Variants in UBE2L3 observed in about 807,000 individuals in gnomAD.
UBE2L3 encodes the protein ubiquitin conjugating enzyme E2 L3, also known as ubiquitin-conjugating enzyme E2 L3.
Under a neutral mutation model 17.8 loss-of-function variants are expected in UBE2L3, and 1 was observed. That is an observed-to-expected ratio of 0.06 (90% confidence interval 0.02 to 0.27). UBE2L3 has a LOEUF of 0.27. Among genes scored for constraint, UBE2L3 ranks in the 10% least tolerant of loss-of-function variants. UBE2L3 has a pLI of 1.00. For missense variants in UBE2L3, 40 were observed against 192.6 expected (o/e 0.21, Z 4.69); for synonymous variants, 44 against 68.5 (o/e 0.64, Z 1.76).
At chr22:21,618,309 T>C (rs1269732219) in intron 3 of UBE2L3, among the ~76,000 whole-genome samples, 1 of 151,996 alleles carries the variant, frequency 6.6e-6, no homozygotes, top group African/African-American at 2.4e-5. Context: ...CTCACGCCTG[T>C]AATCCAGCAC....
chr22:21,585,763 G>T, intron 1 of UBE2L3, among the ~76,000 whole-genome samples: 1 of 152,118 alleles, frequency 6.6e-6, no homozygotes, highest in Admixed American at 6.6e-5. Context: ...ATAGAGGGGG[G>T]AAGTCACCAG....
intron 1 of UBE2L3, among the ~76,000 whole-genome samples, chr22:21,591,654 C>G (rs1009727890): frequency 6.6e-6 from 1 of 152,100 alleles, no homozygotes; most frequent in African/African-American, 2.4e-5. Context: ...GTATGAGGTG[C>G]AAGGATCTTT....
intron 1 of UBE2L3, among the ~76,000 whole-genome samples, chr22:21,577,551 CTG>C (rs1324075702): frequency 1.3e-5 from 2 of 152,212 alleles, no homozygotes; most frequent in Non-Finnish European, 2.9e-5. Flanking sequence ...CCAGTGGCCT[CTG>C]TTTACAGATG....
upstream of UBE2L3, among the ~76,000 whole-genome samples, chr22:21,565,327 C>T (rs908978683): frequency 4.0e-5 from 6 of 151,684 alleles, no homozygotes; most frequent in East Asian, 2.0e-4. Context: ...CTCCTGACCT[C>T]GTGATCCACC....
In UBE2L3 at chr22:21,620,081, C is replaced by T. The variant is rs529171259; in HGVS notation, c.311-1434C>T. Reference sequence around the variant, plus strand: ...GGATGAGGCGGTAGGATCACTCAAGCCCAGGAGTTTGAGACCAGCCTGGGC... The same window carrying T: ...GGATGAGGCGGTAGGATCACTCAAGTCCAGGAGTTTGAGACCAGCCTGGGC... On this transcript the variant is annotated intron_variant, in intron 3 of 3. Transcript: ENST00000342192. Among the ~76,000 whole-genome samples the T allele has an allele frequency of 1.9e-3, 285 of 152,206 alleles. 2 individuals are homozygous for T. The highest frequency in any genetic ancestry group is 5.6e-3 in the African/African-American group (231 of 41,530).
chr22:21,612,475 G>A (rs561005430), intron 3 of UBE2L3, among the ~76,000 whole-genome samples: 42 of 148,746 alleles, frequency 2.8e-4, no homozygotes, highest in African/African-American at 9.9e-4. Flanking sequence ...ACAGGCACCC[G>A]CCACCACGCC....
At chr22:21,607,534 A>G (rs1353524479) in intron 2 of UBE2L3, among the ~76,000 whole-genome samples, 2 of 151,436 alleles carry the variant, frequency 1.3e-5, no homozygotes, top group Non-Finnish European at 1.5e-5. Context: ...AAAAAAAAAA[A>G]AAAGATTGTT....
rs552402931 is a variant in UBE2L3 at position 21,598,575 on chromosome 22, G to A, written c.123+5619G>A. Among the ~76,000 whole-genome samples the A allele has an allele frequency of 2.3e-3, 338 of 149,190 alleles. 2 individuals carry two copies. The highest frequency in any genetic ancestry group is 7.4e-3 in the African/African-American group (302 of 40,660). On this transcript the variant is annotated intron_variant, in intron 2 of 3. Transcript: ENST00000342192. ...TTTTTTTTTTAAATAAATAGAGATG[G>A]GGGCTGGGTGCAGTGGCTCACACCT...
intron 1 of UBE2L3, 121 bp from the exon 2 acceptor site, chr22:21,592,740 C>A: frequency 1.3e-6 from 1 of 770,310 alleles, no homozygotes; most frequent in Non-Finnish European, 2.2e-6. Context: ...GTTTAGTCCT[C>A]ACTGTCCAAT....
chr22:21,563,559 TC>T (rs1333833235), upstream of UBE2L3, among the ~76,000 whole-genome samples: 33 of 131,356 alleles, frequency 2.5e-4, no homozygotes, highest in South Asian at 8.0e-3. Context: ...AGACTCCGTC[TC>T]AAAAAAAAAA....
At chr22:21,607,354 A>G (rs1398524443) in intron 2 of UBE2L3, among the ~76,000 whole-genome samples, 1 of 147,026 alleles carries the variant, frequency 6.8e-6, no homozygotes, top group Non-Finnish European at 1.5e-5. Flanking sequence ...TAAAAATACA[A>G]AAAAAAAAAA....
chr22:21,566,585 C>CAA (rs58829886), upstream of UBE2L3, among the ~76,000 whole-genome samples: 49 of 134,846 alleles, frequency 3.6e-4, no homozygotes, highest in East Asian at 3.0e-3. Flanking sequence ...GACTCTGTCT[C>CAA]AAAAAAAAAA....
intron 1 of UBE2L3, among the ~76,000 whole-genome samples, chr22:21,576,146 G>T (rs1377359346): frequency 7.4e-6 from 1 of 135,562 alleles, no homozygotes; most frequent in African/African-American, 2.8e-5. Context: ...GCGGAGTCTC[G>T]CTCTTTCACC....
intron 1 of UBE2L3, among the ~76,000 whole-genome samples, chr22:21,569,625 A>G: frequency 6.6e-6 from 1 of 152,094 alleles, no homozygotes; most frequent in Non-Finnish European, 1.5e-5. Context: ...CTAACCTCTT[A>G]CTTGGCATGC....
At chr22:21,592,263 AC>A (rs1263098889) in intron 1 of UBE2L3, among the ~76,000 whole-genome samples, 1 of 133,228 alleles carries the variant, frequency 7.5e-6, no homozygotes, top group East Asian at 2.3e-4. Context: ...TCCCGTCCCC[AC>A]CCCCCCACTC....
chr22:21,620,563 G>C (rs1397650704), intron 3 of UBE2L3, among the ~76,000 whole-genome samples: 1 of 152,154 alleles, frequency 6.6e-6, no homozygotes, highest in Non-Finnish European at 1.5e-5. Flanking sequence ...GAGGAGGTGT[G>C]GGTAGCAGCT....
chr22:21,574,540 C>T (rs899161152), intron 1 of UBE2L3, among the ~76,000 whole-genome samples: 10 of 152,060 alleles, frequency 6.6e-5, no homozygotes, highest in African/African-American at 1.9e-4. Context: ...AAGGTGTTTT[C>T]GGGACAGGTT....
At chr22:21,576,094 G>A (rs936260790) in intron 1 of UBE2L3, among the ~76,000 whole-genome samples, 1 of 151,130 alleles carries the variant, frequency 6.6e-6, no homozygotes, top group African/African-American at 2.4e-5. Context: ...TGGGGCAGGG[G>A]TGGAGGTTTG....
At chr22:21,562,718 C>G (rs1299296437), upstream of UBE2L3, among the ~76,000 whole-genome samples, 3 of 138,594 alleles carry the variant, frequency 2.2e-5, no homozygotes. Context: ...GGGCTTTCCC[C>G]GTGTTCTCAA....
Sources: gnomAD v4.1 joint callset for allele counts (sites outside exome capture counted in the v4.1 genomes callset) on GRCh38, gnomAD v4.1.1 for gene constraint, MANE v1.5 for transcripts, NCBI Gene and HGNC (gene_info 2026-07-23, HGNC 2026-07-21) for gene names.